Variants in PLGRKT observed in about 807,000 individuals in gnomAD.
PLGRKT encodes the protein plasminogen receptor (KT).
In PLGRKT, 22 loss-of-function variants were observed where a neutral mutation model predicts 18.5. The observed-to-expected ratio is 1.19, with a 90% CI of 0.85 to 1.70. PLGRKT has a LOEUF of 1.70. Among genes scored for constraint, PLGRKT ranks in the 40% most tolerant of loss-of-function variants. PLGRKT has a pLI of 0.00. For synonymous variants in PLGRKT, 72 were observed against 52.8 expected (o/e 1.36, Z -1.58); for missense variants, 235 against 174.4 (o/e 1.35, Z -1.96).
At chr9:5,432,611 T>C (rs1442760322) in intron 2 of PLGRKT, among the ~76,000 whole-genome samples, 2 of 151,936 alleles carry the variant, frequency 1.3e-5, no homozygotes, top group Non-Finnish European at 2.9e-5. Flanking sequence ...GATTCTCCTG[T>C]CTCGGCCTGC....
intron 2 of PLGRKT, among the ~76,000 whole-genome samples, chr9:5,434,458 G>A (rs1818916520): frequency 6.8e-6 from 1 of 147,040 alleles, no homozygotes; most frequent in African/African-American, 2.6e-5. Flanking sequence ...CGCCCCGTCT[G>A]GGAGGTGAGG....
chr9:5,360,521 C>CA (rs1413360626), intron 5 of PLGRKT, among the ~76,000 whole-genome samples: 1 of 152,164 alleles, frequency 6.6e-6, no homozygotes, highest in Non-Finnish European at 1.5e-5. Context: ...CTGGTCCAGA[C>CA]AATCAACAAA....
intron 3 of PLGRKT, among the ~76,000 whole-genome samples, chr9:5,367,589 T>C (rs1241509286): frequency 6.6e-6 from 1 of 151,948 alleles, no homozygotes; most frequent in Non-Finnish European, 1.5e-5. Context: ...AAAACTTAAC[T>C]CAAAATGGAT....
At chr9:5,358,589 T>C (rs1470160120) in intron 5 of PLGRKT, among the ~76,000 whole-genome samples, 1 of 152,324 alleles carries the variant, frequency 6.6e-6, no homozygotes, top group East Asian at 1.9e-4. Flanking sequence ...ATTTTTGACA[T>C]GTAGAAGAGA....
intron 3 of PLGRKT, among the ~76,000 whole-genome samples, chr9:5,426,848 T>C (rs376155371): frequency 3.3e-5 from 5 of 152,302 alleles, no homozygotes; most frequent in African/African-American, 1.2e-4. Context: ...AAGCTCAATG[T>C]ACCTCAGCTA....
At chr9:5,414,707 T>C (rs958332178) in intron 3 of PLGRKT, among the ~76,000 whole-genome samples, 6 of 152,210 alleles carry the variant, frequency 3.9e-5, no homozygotes, top group Admixed American at 2.0e-4. Flanking sequence ...AATAACGTCC[T>C]CTGGTTATCG....
In PLGRKT at chr9:5,418,464, G is replaced by A. The variant is rs1432887841; in HGVS notation, c.81+13433C>T. ...AGACCAAGACGCAAGCCACCAAGATGACAGTGCACACCCTCAACCACATGG... is the reference window on the plus strand; with the variant it reads ...AGACCAAGACGCAAGCCACCAAGATAACAGTGCACACCCTCAACCACATGG... On this transcript the variant is annotated intron_variant, in intron 3 of 5. Transcript: ENST00000223864. This position sits in a 1 kb window ranked among gnomAD's most constrained non-coding sequence, Gnocchi z 4.2. 2 of 1,053,978 alleles carry A rather than the reference G, an allele frequency of 1.9e-6. No individual in the cohort carries two copies. The highest frequency in any genetic ancestry group is 1.2e-5 in the South Asian group (1 of 80,200). The allele number at this position is 1,053,978 out of a possible 1,614,324, so 65.3% of individuals were successfully genotyped here.
chr9:5,375,111 T>C (rs573612309), intron 3 of PLGRKT, among the ~76,000 whole-genome samples: 1 of 152,186 alleles, frequency 6.6e-6, no homozygotes, highest in Admixed American at 6.5e-5. Context: ...TAAATATAAA[T>C]GTAATTAAAA....
intron 3 of PLGRKT, among the ~76,000 whole-genome samples, chr9:5,387,485 T>C (rs1425577281): frequency 1.3e-5 from 2 of 151,970 alleles, no homozygotes; most frequent in Admixed American, 6.5e-5. Flanking sequence ...GTATTACTTC[T>C]ACAAGCAACA....
intron 3 of PLGRKT, among the ~76,000 whole-genome samples, chr9:5,408,894 G>A (rs1307723616): frequency 6.6e-6 from 1 of 152,228 alleles, no homozygotes; most frequent in Non-Finnish European, 1.5e-5. Flanking sequence ...CTCAGATACA[G>A]ATACAGCTCT....
intron 3 of PLGRKT, among the ~76,000 whole-genome samples, chr9:5,366,180 G>C (rs141354887): frequency 4.1e-4 from 63 of 152,044 alleles, no homozygotes; most frequent in African/African-American, 1.3e-3. Flanking sequence ...TAACCATAAA[G>C]GGATAAATGA....
chr9:5,378,843 T>A (rs1040044366), intron 3 of PLGRKT, among the ~76,000 whole-genome samples: 1 of 152,138 alleles, frequency 6.6e-6, no homozygotes, highest in African/African-American at 2.4e-5. Context: ...TGTAGTGATA[T>A]TAAGGATTAA....
At chr9:5,362,984 G>A (rs562097708) in intron 3 of PLGRKT, among the ~76,000 whole-genome samples, 10 of 152,122 alleles carry the variant, frequency 6.6e-5, no homozygotes, top group African/African-American at 1.2e-4. Context: ...AAGAGAGGCC[G>A]CTTCCATCTC....
chr9:5,428,176 G>A (rs926608609), intron 3 of PLGRKT, among the ~76,000 whole-genome samples: 4 of 152,150 alleles, frequency 2.6e-5, no homozygotes, highest in Admixed American at 6.5e-5. Flanking sequence ...GACTAAAAGC[G>A]TCAGAAACTT....
chr9:5,362,510 T>G (rs1361635646), intron 3 of PLGRKT, among the ~76,000 whole-genome samples: 1 of 152,180 alleles, frequency 6.6e-6, no homozygotes, highest in Admixed American at 6.5e-5. Context: ...TTTTAGAAAA[T>G]ACTCAGGAGA....
intron 3 of PLGRKT, among the ~76,000 whole-genome samples, chr9:5,398,748 TA>T (rs1037208502): frequency 2.0e-5 from 3 of 151,880 alleles, no homozygotes; most frequent in African/African-American, 7.3e-5. Context: ...AAAAACTTTT[TA>T]AAAGAAGGCG....
At chr9:5,373,183 C>T (rs1294788049) in intron 3 of PLGRKT, among the ~76,000 whole-genome samples, 1 of 152,166 alleles carries the variant, frequency 6.6e-6, no homozygotes, top group East Asian at 1.9e-4. Context: ...CCGTTTAAAT[C>T]TCTTTGAAAG....
chr9:5,369,582 C>A (rs751992050), intron 3 of PLGRKT, among the ~76,000 whole-genome samples: 1 of 152,100 alleles, frequency 6.6e-6, no homozygotes, highest in South Asian at 2.1e-4. Context: ...CCCAGCAATC[C>A]CATTACTGGT....
rs529507169 is a variant in PLGRKT at position 5,367,571 on chromosome 9, C to T, written c.82-5683G>A. ...AATGAAAATGGACCCCTACCTATCA[C>T]CATATACAAAACTTAACTCAAAATG... On this transcript the variant is annotated intron_variant, in intron 3 of 5. Coordinates refer to ENST00000223864, the MANE Select transcript of PLGRKT (RefSeq NM_018465.4). Among the ~76,000 whole-genome samples, 458 of 152,182 alleles carry T rather than the reference C, an allele frequency of 3.0e-3. 5 individuals carry two copies. The highest frequency in any genetic ancestry group is 0.011 in the African/African-American group (439 of 41,516).
Sources: gnomAD v4.1 joint callset for allele counts (sites outside exome capture counted in the v4.1 genomes callset) on GRCh38, gnomAD v4.1.1 for gene constraint, Gnocchi (gnomAD v3.1) non-coding constraint, MANE v1.5 for transcripts, NCBI Gene and HGNC (gene_info 2026-07-23, HGNC 2026-07-21) for gene names.